Variants in GRIK2 observed in about 807,000 individuals in gnomAD.
GRIK2 encodes the protein glutamate ionotropic receptor kainate type subunit 2.
In GRIK2, 32 loss-of-function variants were observed where a neutral mutation model predicts 100.3. The ratio of observed to expected loss-of-function variants is 0.32; its 90% confidence interval spans 0.24 to 0.43. The LOEUF is 0.43. Ranked by LOEUF, GRIK2 falls within the 20% of genes least tolerant of loss-of-function variation. GRIK2 has a pLI of 1.00. For synonymous variants in GRIK2, 417 were observed against 389.4 expected, an observed-to-expected ratio of 1.07 and a Z score of -0.83; for missense variants, 843 against 1,114.9, an observed-to-expected ratio of 0.76 and a Z score of 3.47.
At chr6:101,807,576 G>T (rs1345467838) in intron 9 of GRIK2, among the ~76,000 whole-genome samples, 3 of 151,896 alleles carry the variant, frequency 2.0e-5, no homozygotes, top group Non-Finnish European at 2.9e-5. Context: ...ATAGTGGAAA[G>T]AAATGAAGAC....
At chr6:101,790,704 G>A (rs1372798365) in intron 7 of GRIK2, among the ~76,000 whole-genome samples, 1 of 150,490 alleles carries the variant, frequency 6.6e-6, no homozygotes, top group East Asian at 1.9e-4. Flanking sequence ...TTTGGTATCA[G>A]GATGATGCGG....
chr6:101,569,889 T>C (rs1263016363), intron 2 of GRIK2, among the ~76,000 whole-genome samples: 1 of 152,142 alleles, frequency 6.6e-6, no homozygotes, highest in Admixed American at 6.6e-5. Flanking sequence ...TTGAATTACT[T>C]TCTTTCTTGC....
chr6:101,610,929 G>A lies in GRIK2; in HGVS notation c.116-11020G>A, dbSNP rs532126894. Among the ~76,000 whole-genome samples, 19 of 151,684 alleles carry A rather than the reference G, an allele frequency of 1.3e-4. No individual in the cohort carries two copies. In the East Asian group the frequency reaches 1.9e-3, roughly 16 times the overall value. ...ATTTATATCTTGATACTATTCAAGC[G>A]TCTGCCTTCCCAATCAGTATGCAGG... On this transcript the variant is annotated intron_variant, in intron 2 of 16. Coordinates refer to ENST00000369134, the MANE Select transcript of GRIK2 (RefSeq NM_021956.5).
At chr6:101,995,290 A>G (rs1794593577) in intron 14 of GRIK2, among the ~76,000 whole-genome samples, 1 of 151,904 alleles carries the variant, frequency 6.6e-6, no homozygotes, top group East Asian at 1.9e-4. Context: ...CAAAATGGGC[A>G]TTAGGCTGTG....
chr6:101,406,511 G>C, intron 2 of GRIK2, among the ~76,000 whole-genome samples: 1 of 151,978 alleles, frequency 6.6e-6, no homozygotes, highest in East Asian at 1.9e-4. Flanking sequence ...GTTAAGTATT[G>C]CCCTGTTCCA....
At chr6:101,689,499 A>G (rs1771939182) in intron 7 of GRIK2, among the ~76,000 whole-genome samples, 1 of 152,142 alleles carries the variant, frequency 6.6e-6, no homozygotes, top group Admixed American at 6.6e-5. Flanking sequence ...ATGACTGTTT[A>G]TCAGTTAAAT....
Position 101,549,380 on chromosome 6 carries a change from A to G in GRIK2, c.116-72569A>G, listed in dbSNP as rs1324118031. ...GCATTTCACGGAGACAGATGCTTGA[A>G]TGGATTTTGCAGGTGGTTTTATGTT... is the stretch of plus-strand genomic sequence containing the variant. On this transcript the variant is annotated intron_variant, in intron 2 of 16. Transcript: ENST00000369134. Among the ~76,000 whole-genome samples the G allele has an allele frequency of 3.3e-5, 5 of 151,852 alleles. No homozygotes were observed. The East Asian group carries it at 9.7e-4, about 29-fold the overall frequency.
intron 14 of GRIK2, among the ~76,000 whole-genome samples, chr6:101,936,224 A>G (rs752306552): frequency 6.6e-6 from 1 of 152,004 alleles, no homozygotes; most frequent in Non-Finnish European, 1.5e-5. Flanking sequence ...TCCATCAGAC[A>G]TTTTTTTCTA....
chr6:102,030,395 T>C (rs7756449), intron 14 of GRIK2, among the ~76,000 whole-genome samples: 44,693 of 150,886 alleles, frequency 0.3, 6,889 homozygotes, highest in East Asian at 0.35. Flanking sequence ...ATCTTCAGGG[T>C]TGTACTTTTT....
chr6:101,620,233 G>A, intron 2 of GRIK2: 1 of 893,214 alleles, frequency 1.1e-6, no homozygotes, highest in Non-Finnish European at 1.3e-6. Flanking sequence ...GAATACCACT[G>A]TTCTTCTCCA....
intron 2 of GRIK2, among the ~76,000 whole-genome samples, chr6:101,596,206 CTT>C (rs5878678): frequency 1.4e-5 from 2 of 140,430 alleles, no homozygotes; most frequent in African/African-American, 5.2e-5. Flanking sequence ...TAAACTAATC[CTT>C]TTTTTTTTTC....
At chr6:101,569,734 T>C (rs11759738) in intron 2 of GRIK2, among the ~76,000 whole-genome samples, 8,504 of 152,020 alleles carry the variant, frequency 0.056, 327 homozygotes, top group South Asian at 0.094. Flanking sequence ...TTATGAAAAA[T>C]AGATATTAAT....
chr6:101,988,128 TGTGTGCGCGCGCGC>T (rs752459541), intron 14 of GRIK2, among the ~76,000 whole-genome samples: 2 of 20,170 alleles, frequency 9.9e-5, no homozygotes, highest in African/African-American at 1.5e-4. Context: ...TGTGTGTGTG[TGTGTGCGCGCGCGC>T]GCGCGCGCGC....
At chr6:101,634,499 G>T (rs1442299093) in intron 4 of GRIK2, among the ~76,000 whole-genome samples, 1 of 151,982 alleles carries the variant, frequency 6.6e-6, no homozygotes, top group Non-Finnish European at 1.5e-5. Context: ...TAGGAACTTG[G>T]TCTGGGCAGG....
At chr6:101,552,943 T>C (rs1776578576) in intron 2 of GRIK2, among the ~76,000 whole-genome samples, 1 of 152,212 alleles carries the variant, frequency 6.6e-6, no homozygotes, top group South Asian at 2.1e-4. Context: ...TCTGCACAAT[T>C]GTAATGCTCT....
At chr6:101,826,816 A>G (rs923177087) in intron 10 of GRIK2, among the ~76,000 whole-genome samples, 2 of 152,054 alleles carry the variant, frequency 1.3e-5, no homozygotes, top group African/African-American at 4.8e-5. Flanking sequence ...TAATACAAGC[A>G]TGAATGATAG....
At chr6:101,959,995 C>T (rs1456043195) in intron 14 of GRIK2, among the ~76,000 whole-genome samples, 1 of 149,928 alleles carries the variant, frequency 6.7e-6, no homozygotes, top group Non-Finnish European at 1.5e-5. Flanking sequence ...GCCTATAATT[C>T]ATAGGTTTGG....
At chr6:101,822,613 A>G (rs1043323255) in intron 10 of GRIK2, among the ~76,000 whole-genome samples, 8 of 152,208 alleles carry the variant, frequency 5.3e-5, no homozygotes, top group Admixed American at 1.3e-4. Flanking sequence ...GCAGACATGT[A>G]TTACATGCCT....
intron 4 of GRIK2, among the ~76,000 whole-genome samples, chr6:101,671,604 G>A (rs1230327581): frequency 1.3e-5 from 2 of 152,128 alleles, no homozygotes; most frequent in East Asian, 1.9e-4. Context: ...GGTGGCTCAC[G>A]ACTGTAATCC....
Sources: gnomAD v4.1 joint callset for allele counts (sites outside exome capture counted in the v4.1 genomes callset) on GRCh38, gnomAD v4.1.1 for gene constraint, MANE v1.5 for transcripts, NCBI Gene and HGNC (gene_info 2026-07-23, HGNC 2026-07-21) for gene names.